The following CDYL variants were observed in gnomAD, a reference collection of about 807,000 sequenced individuals.
The protein encoded by CDYL is chromodomain Y like.
CDYL carries 8 observed loss-of-function variants against 47.3 expected under a neutral mutation model. That is an observed-to-expected ratio of 0.17 (90% confidence interval 0.10 to 0.31). The LOEUF (loss-of-function observed/expected upper bound fraction) is 0.31, where lower values mean the gene tolerates loss of function less well. Ranked by LOEUF, CDYL falls within the 10% of genes least tolerant of loss-of-function variation. The probability of loss-of-function intolerance (pLI) is 1.00; values close to 1 mark genes in which losing one functional copy is unlikely to be tolerated. For synonymous variants in CDYL, 266 were observed against 265.0 expected (o/e 1.00, Z -0.04); for missense variants, 471 against 701.4 (o/e 0.67, Z 3.71).
Position 4,794,609 on chromosome 6 carries a change from A to G in CDYL, c.24+17802A>G, listed in dbSNP as rs1355129625. ...GGGAGGGCCAGGAGAGAGAGAGTGC[A>G]GGGACAGTGGCTGGAATGATTTCCT... On this transcript the variant is annotated intron_variant, in intron 1 of 6. Transcript: ENST00000397588. Among the ~76,000 whole-genome samples the G allele has an allele frequency of 2.0e-5, 3 of 152,162 alleles. No individual in the cohort carries two copies. In the South Asian group the frequency reaches 6.2e-4, roughly 32 times the overall value.
intron 2 of CDYL, among the ~76,000 whole-genome samples, chr6:4,895,589 C>A (rs923325220): frequency 2.0e-5 from 3 of 150,678 alleles, no homozygotes; most frequent in African/African-American, 7.3e-5. Context: ...TTTTGAGAAC[C>A]CTTGATTTTC....
intron 1 of CDYL, among the ~76,000 whole-genome samples, chr6:4,830,157 T>C (rs1198384963): frequency 2.6e-5 from 4 of 152,252 alleles, no homozygotes; most frequent in Non-Finnish European, 2.9e-5. Flanking sequence ...AAGGTGTGCG[T>C]AAGCACCATC....
At chr6:4,849,750 C>T (rs552869111) in intron 1 of CDYL, among the ~76,000 whole-genome samples, 3 of 151,846 alleles carry the variant, frequency 2.0e-5, no homozygotes, top group South Asian at 2.1e-4. Context: ...TCTTTTGCAC[C>T]TGTTAAGTGC....
chr6:4,898,015 G>T (rs940429316), intron 2 of CDYL, among the ~76,000 whole-genome samples: 1 of 151,844 alleles, frequency 6.6e-6, no homozygotes, highest in African/African-American at 2.4e-5. Context: ...CCGAGATCAC[G>T]CCACTGCACT....
intron 3 of CDYL, among the ~76,000 whole-genome samples, chr6:4,749,749 A>G (rs1218781851): frequency 1.3e-5 from 2 of 152,244 alleles, no homozygotes; most frequent in Non-Finnish European, 2.9e-5. Context: ...AATGATTAGC[A>G]ATACAGGAAA....
intron 2 of CDYL, among the ~76,000 whole-genome samples, chr6:4,923,461 A>G (rs1757774916): frequency 6.6e-6 from 1 of 152,036 alleles, no homozygotes. Context: ...TTCTTTATCC[A>G]TTCATTTGTT....
At chr6:4,761,595 G>T (rs1208549046) in intron 3 of CDYL, among the ~76,000 whole-genome samples, 1 of 152,148 alleles carries the variant, frequency 6.6e-6, no homozygotes, top group Non-Finnish European at 1.5e-5. Flanking sequence ...GCCTGCCTCA[G>T]CCTCCCAAAG....
At chr6:4,801,326 ATGTT>A (rs1759218903) in intron 1 of CDYL, among the ~76,000 whole-genome samples, 1 of 152,160 alleles carries the variant, frequency 6.6e-6, no homozygotes, top group Non-Finnish European at 1.5e-5. Context: ...TTTATGATAA[ATGTT>A]TGAAGTCTGT....
intron 1 of CDYL, among the ~76,000 whole-genome samples, chr6:4,824,441 T>G (rs1402346228): frequency 1.3e-5 from 2 of 152,250 alleles, no homozygotes; most frequent in Non-Finnish European, 2.9e-5. Context: ...TAAAGTAGTA[T>G]TTCATTGTGA....
rs1212365601 is a variant in CDYL, at chr6:4,935,622, G to GACC, written c.801_803dup (p.Asp267_Gln268insHis). 3 of 1,614,210 alleles carry GACC rather than the reference G, an allele frequency of 1.9e-6. No individual in the cohort carries two copies. Among genetic ancestry groups the GACC allele is most frequent in the Non-Finnish European group, 2.5e-6 (3 of 1,180,048 alleles). On this transcript the variant is annotated inframe_insertion, in exon 3 of 7. Transcript: ENST00000397588. ...AAGGAAATTTATTGACGACAGAAGAGACCAGCCTTTTGACAAGCGATTGCG... is the reference window on the plus strand; with the variant it reads ...AAGGAAATTTATTGACGACAGAAGAGACCACCAGCCTTTTGACAAGCGATTGCG...
chr6:4,749,120 C>T (rs1326469041), intron 3 of CDYL, among the ~76,000 whole-genome samples: 3 of 152,186 alleles, frequency 2.0e-5, no homozygotes, highest in African/African-American at 7.2e-5. Context: ...AACAAATGAC[C>T]TTCTCAAAAA....
intron 1 of CDYL, among the ~76,000 whole-genome samples, chr6:4,708,490 A>G (rs139693544): frequency 6.6e-6 from 1 of 152,280 alleles, no homozygotes; most frequent in African/African-American, 2.4e-5. Flanking sequence ...TTGCCCATTC[A>G]TATCAATGAA....
At chr6:4,774,564 C>T (rs1055975189), upstream of CDYL, 1 of 152,218 alleles carries the variant, frequency 6.6e-6, no homozygotes, top group African/African-American at 2.4e-5. Context: ...ATTTGCGATT[C>T]TTGTGCAAAC....
chr6:4,890,069 A>T (rs1172650906), intron 1 of CDYL: 1 of 985,366 alleles, frequency 1.0e-6, no homozygotes, highest in Non-Finnish European at 1.2e-6. Context: ...AGAGGAAAGC[A>T]AACGGGAATA....
chr6:4,856,176 AGAG>A (rs1273849586), intron 1 of CDYL, among the ~76,000 whole-genome samples: 2 of 152,228 alleles, frequency 1.3e-5, no homozygotes, highest in Non-Finnish European at 2.9e-5. Context: ...GCCTTCTAGT[AGAG>A]GAGAGGGGCA....
At chr6:4,911,025 A>C (rs1342369641) in intron 2 of CDYL, among the ~76,000 whole-genome samples, 1 of 152,064 alleles carries the variant, frequency 6.6e-6, no homozygotes. Flanking sequence ...TTTTTAGTAG[A>C]GACGGGGTTT....
chr6:4,948,085 G>A (rs780826097), intron 5 of CDYL, among the ~76,000 whole-genome samples: 5 of 152,158 alleles, frequency 3.3e-5, no homozygotes, highest in Admixed American at 6.5e-5. Context: ...TACTGTAAAC[G>A]AGACTGTGTC....
At chr6:4,711,252 C>G (rs1056810572) in intron 1 of CDYL, among the ~76,000 whole-genome samples, 2 of 152,104 alleles carry the variant, frequency 1.3e-5, no homozygotes, top group Non-Finnish European at 2.9e-5. Flanking sequence ...CCAGAGGAGG[C>G]CCTTTAACCT....
chr6:4,925,415 T>TTC (rs1561712173), intron 2 of CDYL, among the ~76,000 whole-genome samples: 2 of 143,858 alleles, frequency 1.4e-5, no homozygotes. Context: ...TTTTCTTTTT[T>TTC]TTTTTTTTTT....
Sources: gnomAD v4.1 joint callset for allele counts (sites outside exome capture counted in the v4.1 genomes callset) on GRCh38, gnomAD v4.1.1 for gene constraint, MANE v1.5 for transcripts, NCBI Gene and HGNC (gene_info 2026-07-23, HGNC 2026-07-21) for gene names.